The following NLRP5 variants were observed in gnomAD, a reference collection of about 807,000 sequenced individuals.
The protein encoded by NLRP5 is NLR family pyrin domain containing 5.
NLRP5 carries 93 observed loss-of-function variants against 113.1 expected under a neutral mutation model. The observed-to-expected ratio is 0.82, with a 90% CI of 0.70 to 0.98. NLRP5 has a LOEUF of 0.98. NLRP5 is among the 50% of genes least tolerant of loss of function. The pLI is 0.00. For missense variants in NLRP5, 1,808 were observed against 1,514.3 expected (o/e 1.19, Z -3.22); for synonymous variants, 751 against 600.7 (o/e 1.25, Z -3.66).
At chr19:55,996,107 TCTC>T (rs1262476879), upstream of NLRP5, among the ~76,000 whole-genome samples, 3 of 152,184 alleles carry the variant, frequency 2.0e-5, no homozygotes, top group African/African-American at 7.2e-5. Flanking sequence ...ATCTACTTCT[TCTC>T]CAATTTTGAT....
At chr19:56,012,130 CT>C (rs1982218565) in intron 3 of NLRP5, among the ~76,000 whole-genome samples, 1 of 151,890 alleles carries the variant, frequency 6.6e-6, no homozygotes. Flanking sequence ...GAAAGGTGTT[CT>C]TCCCGTAGTG....
chr19:56,057,558 C>T (rs559570635), intron 13 of NLRP5, among the ~76,000 whole-genome samples: 48 of 152,246 alleles, frequency 3.2e-4, no homozygotes, highest in African/African-American at 9.6e-4. Context: ...GCCTTCTCAC[C>T]TTTCTTCAGG....
chr19:56,001,257 C>A (rs984480215), intron 1 of NLRP5, among the ~76,000 whole-genome samples: 1 of 142,530 alleles, frequency 7.0e-6, no homozygotes, highest in Non-Finnish European at 1.5e-5. Context: ...CCCAGGAGTT[C>A]GAGGCTGCAG....
At chr19:56,041,925 C>T (rs1015803563) in intron 11 of NLRP5, among the ~76,000 whole-genome samples, 8 of 152,164 alleles carry the variant, frequency 5.3e-5, no homozygotes, top group African/African-American at 1.2e-4. Flanking sequence ...TGCCATTGCA[C>T]GCCAGCCTGG....
chr19:55,999,925 G>C, intron 1 of NLRP5: 3 of 700,824 alleles, frequency 4.3e-6, no homozygotes, highest in Admixed American at 2.1e-5. Flanking sequence ...CACTCCCCGG[G>C]GTAGAAAGAA....
intron 2 of NLRP5, among the ~76,000 whole-genome samples, chr19:56,004,991 G>C (rs1396389236): frequency 1.3e-5 from 2 of 151,326 alleles, no homozygotes; most frequent in Admixed American, 1.3e-4. Flanking sequence ...CTACTCAGGA[G>C]ACTGAGGCAG....
intron 13 of NLRP5, among the ~76,000 whole-genome samples, chr19:56,055,113 C>T (rs572663669): frequency 4.0e-5 from 6 of 150,480 alleles, no homozygotes; most frequent in African/African-American, 4.9e-5. Flanking sequence ...CTCAGCCTCC[C>T]GAGTAGCTGG....
Position 56,053,824 on chromosome 19 carries a change from G to A in NLRP5, c.3299+16G>A, listed in dbSNP as rs774840665. 29 of 1,609,482 alleles carry A rather than the reference G, an allele frequency of 1.8e-5. No individual in the cohort carries two copies. Among genetic ancestry groups the A allele is most frequent in the African/African-American group, 8.0e-5 (6 of 74,838 alleles). Reference sequence around the variant, plus strand: ...CGAGACTCGGGTAACTTCCTGGGGCGCCTCTTTGCGGGCCGGGCTGGGAGG... The same window carrying A: ...CGAGACTCGGGTAACTTCCTGGGGCACCTCTTTGCGGGCCGGGCTGGGAGG... On this transcript the variant is annotated intron_variant, in intron 13 of 14. Transcript: ENST00000390649.
chr19:56,012,895 C>A (rs1192738786), intron 3 of NLRP5, among the ~76,000 whole-genome samples: 1 of 151,630 alleles, frequency 6.6e-6, no homozygotes, highest in African/African-American at 2.4e-5. Flanking sequence ...TATATACTTT[C>A]CTTGCTTTTT....
At position 56,053,682 on chromosome 19, in the gene NLRP5, C is replaced by A; in HGVS notation, c.3173C>A (p.Ser1058Tyr). 1.2e-6 allele frequency: 2 copies of A among 1,613,916 alleles called. No individual in the cohort carries two copies. Among genetic ancestry groups the A allele is most frequent in the South Asian group, 1.1e-5 (1 of 91,072 alleles). Reference sequence around the variant, plus strand: ...ACCGCCGCGTGCTGTGAGAGTCTGTCCTGTGTGATCTCGAGGAGCAGACAC... The same window carrying A: ...ACCGCCGCGTGCTGTGAGAGTCTGTACTGTGTGATCTCGAGGAGCAGACAC... Residue 1058 changes from serine (S) to tyrosine (Y), a missense_variant, in exon 13 of 15, where the codon TCC (serine) becomes TAC (tyrosine). Physicochemically the swap from Ser to Tyr is moderately radical, Grantham distance 144 (BLOSUM62 -2). Transcript: ENST00000390649.
At chr19:55,990,878 G>A in the NLRP5 span, among the ~76,000 whole-genome samples, 1 of 152,122 alleles carries the variant, frequency 6.6e-6, no homozygotes, top group Non-Finnish European at 1.5e-5. Context: ...CAGCTACTGG[G>A]GAGGTTGAGG....
chr19:56,027,741 C>A lies in NLRP5; in HGVS notation c.1508C>A (p.Ala503Asp). Residue 503 changes from alanine (A) to aspartate (D), a missense_variant, in exon 7 of 15, where the codon GCC (alanine) becomes GAC (aspartate). Physicochemically the swap from Ala to Asp is moderately radical, Grantham distance 126 (BLOSUM62 -2). Coordinates refer to ENST00000390649, the MANE Select transcript of NLRP5 (RefSeq NM_153447.4). ...AACCAAACGCTCACAGGCCTGCACG[C>A]CGCTTTTGTGTTTCATCAGCTCACC... 1 of 1,613,768 alleles carries A rather than the reference C, an allele frequency of 6.2e-7. No homozygotes were observed. The highest frequency in any genetic ancestry group is 8.5e-7 in the Non-Finnish European group (1 of 1,179,862).
At chr19:56,037,347 T>C (rs868470611) in intron 9 of NLRP5, among the ~76,000 whole-genome samples, 4 of 152,010 alleles carry the variant, frequency 2.6e-5, no homozygotes, top group Middle Eastern at 3.4e-3. Flanking sequence ...TTCATGGAGA[T>C]GACATTCTAG....
chr19:56,005,464 C>CATTTAT (rs1791421055), intron 2 of NLRP5, among the ~76,000 whole-genome samples: 3 of 146,400 alleles, frequency 2.0e-5, no homozygotes, highest in South Asian at 4.2e-4. Flanking sequence ...TATATACACA[C>CATTTAT]ACACATATTT....
In NLRP5 at chr19:56,004,065, C is replaced by A; in HGVS notation, c.412C>A (p.Leu138Ile). ...CTTTGAAAACATGAACCTGCGAACC[C>A]TCTCGGAGAAGGCACGGGATGACAT... Residue 138 changes from leucine to isoleucine, a missense_variant, in exon 2 of 15, where the codon CTC (leucine) becomes ATC (isoleucine). Physicochemically the swap from Leu to Ile is conservative, Grantham distance 5 (BLOSUM62 2). Coordinates refer to ENST00000390649, the MANE Select transcript of NLRP5 (RefSeq NM_153447.4). The A allele has an allele frequency of 6.2e-7, 1 of 1,611,972 alleles. No homozygotes were observed. Among genetic ancestry groups the A allele is most frequent in the Non-Finnish European group, 8.5e-7 (1 of 1,178,790 alleles).
chr19:56,045,384 C>T (rs306438), intron 11 of NLRP5, among the ~76,000 whole-genome samples: 24,655 of 151,952 alleles, frequency 0.16, 2,063 homozygotes, highest in Middle Eastern at 0.22. Flanking sequence ...AGAGAGTCAG[C>T]GAAGGGTGAT....
rs1555763942 is a variant in NLRP5 at position 56,005,642 on chromosome 19, A to ACACGCG, written c.442+1548_442+1549insACGCGC. On this transcript the variant is annotated intron_variant, in intron 2 of 14. Transcript: ENST00000390649. ...TATATTTATACACACACACACACAC[A>ACACGCG]CGCGCGCAGGTGGCATGCCTGCACA... Among the ~76,000 whole-genome samples the ACACGCG allele has an allele frequency of 2.5e-3, 362 of 142,108 alleles. 7 individuals are homozygous for ACACGCG. Among genetic ancestry groups the ACACGCG allele is most frequent in the African/African-American group, 9.4e-3 (344 of 36,608 alleles). 93.2% of individuals were successfully genotyped at this position (142,108 alleles called of 152,430 possible).
At chr19:56,044,553 C>T (rs191039) in intron 11 of NLRP5, among the ~76,000 whole-genome samples, 1 of 151,952 alleles carries the variant, frequency 6.6e-6, no homozygotes, top group African/African-American at 2.4e-5. Flanking sequence ...TCTGGGTTCT[C>T]TATTCTGTTT....
upstream of NLRP5, among the ~76,000 whole-genome samples, chr19:55,995,115 A>G (rs1741748731): frequency 6.6e-6 from 1 of 152,156 alleles, no homozygotes; most frequent in Admixed American, 6.6e-5. Flanking sequence ...AAGGACAGAA[A>G]ACCAAACACC....
Sources: allele counts gnomAD v4.1 joint callset (sites outside exome capture counted in the v4.1 genomes callset), GRCh38; gene constraint gnomAD v4.1.1; transcripts MANE v1.5; gene names NCBI Gene and HGNC (gene_info 2026-07-23, HGNC 2026-07-21).